The following DTNB variants were observed in gnomAD, a reference collection of about 807,000 sequenced individuals.
DTNB encodes DTN-B.
Under a neutral mutation model 90.7 loss-of-function variants are expected in DTNB, and 63 were observed. That is an observed-to-expected ratio of 0.69 (90% CI 0.57 to 0.86). The LOEUF is 0.86. Ranked by LOEUF, DTNB falls within the 40% of genes least tolerant of loss-of-function variation. The pLI is 0.00. For missense variants in DTNB, 744 were observed against 807.1 expected (o/e 0.92, Z 0.95); for synonymous variants, 277 against 286.7 (o/e 0.97, Z 0.34).
At chr2:25,523,427 G>GT (rs1445774784) in intron 9 of DTNB, among the ~76,000 whole-genome samples, 1 of 152,126 alleles carries the variant, frequency 6.6e-6, no homozygotes, top group East Asian at 1.9e-4. Context: ...ATTGCTTGAG[G>GT]TCAGGAGTTC....
At chr2:25,629,954 C>T (rs2075306870) in intron 3 of DTNB, among the ~76,000 whole-genome samples, 1 of 151,932 alleles carries the variant, frequency 6.6e-6, no homozygotes, top group Admixed American at 6.6e-5. Context: ...AAAGGCAACC[C>T]AAAGAATGGA....
At chr2:25,399,986 T>C (rs2043323500) in intron 16 of DTNB, among the ~76,000 whole-genome samples, 1 of 152,196 alleles carries the variant, frequency 6.6e-6, no homozygotes, top group Non-Finnish European at 1.5e-5. Context: ...GGTCACGTCA[T>C]GGCATATTCT....
chr2:25,555,942 C>G (rs1188414720), intron 8 of DTNB, among the ~76,000 whole-genome samples: 1 of 152,168 alleles, frequency 6.6e-6, no homozygotes, highest in East Asian at 1.9e-4. Context: ...ATCACTTGAA[C>G]CCAGGAGGCG....
At chr2:25,511,435 G>A (rs572528100) in intron 9 of DTNB, among the ~76,000 whole-genome samples, 6 of 152,052 alleles carry the variant, frequency 3.9e-5, no homozygotes, top group South Asian at 2.1e-4. Flanking sequence ...GGGTTAAAAC[G>A]ATACTCCTAT....
chr2:25,531,137 T>C (rs2078089227), intron 9 of DTNB, among the ~76,000 whole-genome samples: 1 of 152,228 alleles, frequency 6.6e-6, no homozygotes, highest in Non-Finnish European at 1.5e-5. Flanking sequence ...ATTACTGCTA[T>C]AGAGAAAAAG....
chr2:25,545,098 C>T (rs1399292507), intron 8 of DTNB, among the ~76,000 whole-genome samples: 3 of 152,314 alleles, frequency 2.0e-5, no homozygotes, highest in Admixed American at 2.0e-4. Flanking sequence ...TCTGATTAAT[C>T]TCATCACATC....
rs368821580 is a variant in DTNB at position 25,482,824 on chromosome 2, A to G, written c.1051T>C (p.Ser351Pro). 4.3e-6 allele frequency: 7 copies of G among 1,613,122 alleles called. No individual in the cohort carries two copies. Among genetic ancestry groups the G allele is most frequent in the Non-Finnish European group, 5.9e-6 (7 of 1,179,706 alleles). ...TTGGTGGGAGTGGGCACTCCAGAGG[A>G]CATGTGGCTAACCATGGTGTCATTC... ...NMNDTMVSHM[S>P]SGVPTPTKRL... is the part of the protein sequence containing the mutation. Residue 351 changes from serine to proline, a missense_variant, in exon 10 of 21, where the codon TCC becomes CCC. By Grantham distance (74) the Ser-to-Pro change is moderately conservative. Transcript: ENST00000406818.
At chr2:25,576,636 T>C in intron 8 of DTNB, 1 of 603,590 alleles carries the variant, frequency 1.7e-6, no homozygotes, top group South Asian at 2.8e-5. Context: ...CTATCTTTGT[T>C]TCCTGGAATT....
intron 16 of DTNB, among the ~76,000 whole-genome samples, chr2:25,396,711 T>C (rs1316307018): frequency 1.4e-5 from 2 of 138,282 alleles, no homozygotes; most frequent in Admixed American, 7.5e-5. Context: ...CCAAAACCTA[T>C]TGAAATTAAT....
chr2:25,487,016 G>A (rs563040110), intron 9 of DTNB, among the ~76,000 whole-genome samples: 1 of 152,326 alleles, frequency 6.6e-6, no homozygotes, highest in African/African-American at 2.4e-5. Context: ...GATAGAATAA[G>A]ATGATGATAT....
intron 14 of DTNB, 65 bp downstream of exon 14, chr2:25,432,821 T>C: frequency 1.3e-6 from 2 of 1,495,510 alleles, no homozygotes; most frequent in Non-Finnish European, 1.8e-6. Flanking sequence ...ACTCCTTTGG[T>C]TTCCTCAGAT....
rs906442634 is a variant in DTNB, at chr2:25,590,818, C to A, written c.603+5268G>T. Among the ~76,000 whole-genome samples, 10 of 152,348 alleles carry A rather than the reference C, an allele frequency of 6.6e-5. No individual in the cohort carries two copies. In the South Asian group the frequency reaches 1.4e-3, roughly 22 times the overall value. ...AGCAGCCCGACCCCCAGGCTTCAGGCCCTCCCTGTCTTGAAGGTGGGGCTT... is the reference window on the plus strand; with the variant it reads ...AGCAGCCCGACCCCCAGGCTTCAGGACCTCCCTGTCTTGAAGGTGGGGCTT... On this transcript the variant is annotated intron_variant, in intron 6 of 20. Transcript: ENST00000406818.
intron 12 of DTNB, among the ~76,000 whole-genome samples, chr2:25,444,170 G>A (rs538055998): frequency 6.6e-6 from 1 of 152,242 alleles, no homozygotes; most frequent in South Asian, 2.1e-4. Context: ...TGACGTTTGT[G>A]ATGACACTTT....
At chr2:25,498,279 A>T (rs1001397276) in intron 9 of DTNB, among the ~76,000 whole-genome samples, 1 of 152,232 alleles carries the variant, frequency 6.6e-6, no homozygotes, top group Non-Finnish European at 1.5e-5. Context: ...TAGATAAATG[A>T]AGAAGTGAGA....
At chr2:25,601,559 C>T (rs2065884870) in intron 5 of DTNB, among the ~76,000 whole-genome samples, 1 of 152,152 alleles carries the variant, frequency 6.6e-6, no homozygotes, top group Admixed American at 6.5e-5. Flanking sequence ...CTGGATCTAT[C>T]CATCTATTTC....
intron 1 of DTNB, among the ~76,000 whole-genome samples, chr2:25,654,199 C>G (rs2081606050): frequency 6.6e-6 from 1 of 152,202 alleles, no homozygotes; most frequent in Admixed American, 6.5e-5. Flanking sequence ...CACTTTAAAG[C>G]AATATAACTC....
chr2:25,389,826 T>G (rs993622873), intron 16 of DTNB, among the ~76,000 whole-genome samples: 4 of 150,994 alleles, frequency 2.6e-5, no homozygotes, highest in Non-Finnish European at 5.9e-5. Context: ...TTGTTTTCTG[T>G]GGTTCTTACT....
chr2:25,590,564 T>C lies in DTNB; in HGVS notation c.603+5522A>G, dbSNP rs141385315. Among the ~76,000 whole-genome samples the C allele has an allele frequency of 5.7e-3, 860 of 151,936 alleles. 10 individuals are homozygous for C. Among genetic ancestry groups the C allele is most frequent in the African/African-American group, 0.02 (813 of 41,424 alleles). ...CAGCAGAGAGAAGACCCTGGCAGGG[T>C]AGCTCCTCTCTGCAGCTGGTTGTCC... On this transcript the variant is annotated intron_variant, in intron 6 of 20. Transcript: ENST00000406818.
chr2:25,629,411 C>G (rs146110399), intron 3 of DTNB, among the ~76,000 whole-genome samples: 25 of 152,266 alleles, frequency 1.6e-4, no homozygotes, highest in African/African-American at 5.5e-4. Flanking sequence ...ATGGCTGGTG[C>G]GGACCCAAAT....
Sources: gnomAD v4.1 joint callset for allele counts (sites outside exome capture counted in the v4.1 genomes callset) on GRCh38, gnomAD v4.1.1 for gene constraint, MANE v1.5 for transcripts, NCBI Gene and HGNC (gene_info 2026-07-23, HGNC 2026-07-21) for gene names.